MGLL: variants seen among roughly 807,000 people sequenced by gnomAD.
The protein encoded by MGLL is monoglyceride lipase.
In MGLL, 7 loss-of-function variants were observed where a neutral mutation model predicts 29.1. The ratio of observed to expected loss-of-function variants is 0.24; its 90% CI spans 0.14 to 0.45. The LOEUF (loss-of-function observed/expected upper bound fraction) is 0.45. MGLL is among the 20% of genes least tolerant of loss of function. The pLI is 0.99. For synonymous variants in MGLL, 148 were observed against 168.3 expected, an observed-to-expected ratio of 0.88 and a Z score of 0.93; for missense variants, 356 against 413.6, an observed-to-expected ratio of 0.86 and a Z score of 1.21.
In MGLL at chr3:127,796,702, C is replaced by G. The variant is rs192912084; in HGVS notation, c.156-14807G>C. ...GTGAGTGTCACGCAATGTTTAGAAT[C>G]GTGCACTCTTCTGAGCACTGAACCT... On this transcript the variant is annotated intron_variant, in intron 2 of 7. Coordinates refer to ENST00000265052, the MANE Select transcript of MGLL (RefSeq NM_007283.7). Among the ~76,000 whole-genome samples, 353 of 152,290 alleles carry G rather than the reference C, an allele frequency of 2.3e-3. 7 individuals carry two copies. The highest frequency in any genetic ancestry group is 8.1e-3 in the African/African-American group (338 of 41,558).
At chr3:127,763,380 G>A (rs756517387) in intron 3 of MGLL, among the ~76,000 whole-genome samples, 15 of 152,328 alleles carry the variant, frequency 9.8e-5, no homozygotes, top group Non-Finnish European at 1.3e-4. Context: ...CTCTGGCCCC[G>A]CGAAGCCAGG....
At chr3:127,767,799 T>G (rs1205811039) in intron 3 of MGLL, among the ~76,000 whole-genome samples, 2 of 152,236 alleles carry the variant, frequency 1.3e-5, no homozygotes, top group African/African-American at 4.8e-5. Flanking sequence ...TTTCAGTACA[T>G]GTCTTCAGCA....
At position 127,821,702 on chromosome 3, in the gene MGLL, G is replaced by T; in HGVS notation, c.147C>A (p.Gly49=). The T allele has an allele frequency of 6.2e-7, 1 of 1,614,136 alleles. No individual in the cohort carries two copies. Among genetic ancestry groups the T allele is most frequent in the Non-Finnish European group, 8.5e-7 (1 of 1,180,006 alleles). The change falls in exon 2 of 8, where the codon GGC becomes GGA. Residue 49 remains glycine, a synonymous_variant. Coordinates refer to ENST00000265052, the MANE Select transcript of MGLL (RefSeq NM_007283.7). ...TTCTGGGGAAGACTTACTTGGGTGT[G>T]CCTGTGGGTTTCCAGTACCTGCAGA... ...YLFCRYWKPT[G]TPKALIFVSH...
At chr3:127,726,441 A>AT (rs543488896) in intron 3 of MGLL, among the ~76,000 whole-genome samples, 15 of 151,680 alleles carry the variant, frequency 9.9e-5, no homozygotes, top group Non-Finnish European at 1.6e-4. Context: ...ATTTTTTTTT[A>AT]TTTTTTATTT....
intron 2 of MGLL, among the ~76,000 whole-genome samples, chr3:127,811,719 T>A (rs2077666119): frequency 6.6e-6 from 1 of 152,192 alleles, no homozygotes; most frequent in Non-Finnish European, 1.5e-5. Context: ...GCCACCTTAA[T>A]AACAGATCCA....
At chr3:127,800,164 C>T (rs141736444) in intron 2 of MGLL, among the ~76,000 whole-genome samples, 20 of 152,312 alleles carry the variant, frequency 1.3e-4, no homozygotes, top group African/African-American at 3.6e-4. Context: ...TTGAACCACA[C>T]TCTAAGTGGT....
At chr3:127,821,605 C>T in intron 2 of MGLL, 89 bp downstream of exon 2, 2 of 1,513,916 alleles carry the variant, frequency 1.3e-6, no homozygotes, top group Non-Finnish European at 1.8e-6. Flanking sequence ...GAAAGCGGCC[C>T]CGCCCCAGAT....
rs754192642 is a variant in MGLL at position 127,781,846 on chromosome 3, C to T, written c.205G>A (p.Glu69Lys). 1 of 1,614,132 alleles carries T rather than the reference C, an allele frequency of 6.2e-7. No homozygotes were observed. The highest frequency in any genetic ancestry group is 8.5e-7 in the Non-Finnish European group (1 of 1,180,020). Reference sequence around the variant, plus strand: ...CCCATCAGCATCCGAGCCAGCTCTTCATAGCGGCCACTGTGCTCTCCGGCT... The same window carrying T: ...CCCATCAGCATCCGAGCCAGCTCTTTATAGCGGCCACTGTGCTCTCCGGCT... ...HGAGEHSGRY[E>K]ELARMLMGLD... The change falls in exon 3 of 8, where the codon GAA (glutamate) becomes AAA (lysine). Residue 69 changes from glutamate (E) to lysine (K), a missense_variant. Coordinates refer to ENST00000265052, the MANE Select transcript of MGLL (RefSeq NM_007283.7).
At chr3:127,722,607 G>C (rs1282778479) in intron 3 of MGLL, 41 bp from the exon 4 acceptor site, 26 of 1,613,928 alleles carry the variant, frequency 1.6e-5, no homozygotes, top group Non-Finnish European at 2.1e-5. Flanking sequence ...GCAGTTACCA[G>C]GTCGACTCCT....
At chr3:127,792,073 A>G (rs1034437427) in intron 2 of MGLL, among the ~76,000 whole-genome samples, 1 of 152,216 alleles carries the variant, frequency 6.6e-6, no homozygotes, top group African/African-American at 2.4e-5. Context: ...GTCTCAAAAA[A>G]CAAACGAACA....
chr3:127,794,652 G>A (rs900434546), intron 2 of MGLL, among the ~76,000 whole-genome samples: 1 of 152,160 alleles, frequency 6.6e-6, no homozygotes, highest in Non-Finnish European at 1.5e-5. Context: ...ATGTCAAACT[G>A]TCTTCCATGA....
chr3:127,814,579 A>G (rs144583278), intron 2 of MGLL, among the ~76,000 whole-genome samples: 2 of 152,240 alleles, frequency 1.3e-5, no homozygotes, highest in Non-Finnish European at 2.9e-5. Context: ...AATGGTGGAC[A>G]AAGGTTGCTA....
At chr3:127,694,317 GTA>G (rs1269168907) in intron 7 of MGLL, among the ~76,000 whole-genome samples, 3 of 92,210 alleles carry the variant, frequency 3.3e-5, no homozygotes, top group South Asian at 3.8e-4. Context: ...ATGTATGTGT[GTA>G]TATATATATG....
chr3:127,805,633 A>C (rs1408441773), intron 2 of MGLL, among the ~76,000 whole-genome samples: 1 of 152,248 alleles, frequency 6.6e-6, no homozygotes, highest in Non-Finnish European at 1.5e-5. Context: ...GCTGAGTTAC[A>C]GGCATGGTTC....
chr3:127,780,259 G>A (rs1328164295), intron 3 of MGLL, among the ~76,000 whole-genome samples: 3 of 152,208 alleles, frequency 2.0e-5, no homozygotes, highest in African/African-American at 7.2e-5. Flanking sequence ...ATAAGAAGGT[G>A]GTTGGTGCTA....
intron 2 of MGLL, among the ~76,000 whole-genome samples, chr3:127,804,267 A>G (rs1369386441): frequency 6.6e-6 from 1 of 152,254 alleles, no homozygotes; most frequent in Non-Finnish European, 1.5e-5. Context: ...AGAGCCAGAA[A>G]GCAGTGTCGC....
chr3:127,817,051 G>A (rs1169529374), intron 2 of MGLL, among the ~76,000 whole-genome samples: 4 of 152,246 alleles, frequency 2.6e-5, no homozygotes, highest in Non-Finnish European at 5.9e-5. Flanking sequence ...GGTGGGAGAG[G>A]AGGGAGCCAT....
rs114819106 is a variant in MGLL, at chr3:127,725,859, A to T, written c.263-3293T>A. ...GGTGGAAAGATCGCTTGAGGCCAAG[A>T]GTTCACAATTGGCCTGGGCAATATA... is the stretch of plus-strand genomic sequence containing the variant. On this transcript the variant is annotated intron_variant, in intron 3 of 7. Coordinates refer to ENST00000265052, the MANE Select transcript of MGLL (RefSeq NM_007283.7). Among the ~76,000 whole-genome samples, 277 of 152,254 alleles carry T rather than the reference A, an allele frequency of 1.8e-3. 1 individual carries two copies. Among genetic ancestry groups the T allele is most frequent in the African/African-American group, 6.2e-3 (257 of 41,534 alleles).
intron 3 of MGLL, among the ~76,000 whole-genome samples, chr3:127,737,305 G>A (rs895370740): frequency 2.6e-5 from 4 of 151,660 alleles, no homozygotes; most frequent in Non-Finnish European, 5.9e-5. Flanking sequence ...GTAGTAAGGT[G>A]GAGGTCACCT....
Sources: gnomAD v4.1 joint callset for allele counts (sites outside exome capture counted in the v4.1 genomes callset) on GRCh38, gnomAD v4.1.1 for gene constraint, MANE v1.5 for transcripts, NCBI Gene and HGNC (gene_info 2026-07-23, HGNC 2026-07-21) for gene names.